ELK4: variants seen among roughly 807,000 people sequenced by gnomAD.
The protein encoded by ELK4 is ETS transcription factor ELK4.
A neutral mutation model predicts 29.6 loss-of-function variants in ELK4; 16 were observed. That is an observed-to-expected ratio of 0.54 (90% CI 0.37 to 0.82). ELK4 has a LOEUF of 0.82. Among genes scored for constraint, ELK4 ranks in the 40% least tolerant of loss-of-function variants. The pLI, the probability that ELK4 is intolerant of heterozygous loss-of-function variation, is 0.00. For missense variants in ELK4, 465 were observed against 507.1 expected, an observed-to-expected ratio of 0.92 and a Z score of 0.80; for synonymous variants, 213 against 191.1, an observed-to-expected ratio of 1.11 and a Z score of -0.95.
chr1:205,608,975 G>A lies in ELK4; in HGVS notation c.*7571C>T, dbSNP rs1026398799. On this transcript the variant is annotated 3_prime_UTR_variant, in exon 5 of 5. Transcript: ENST00000357992. ...TGCTTTTCTTCTGAATTACAGATTG[G>A]CTTAATGAAAATTAAGAGTTTATTA... 4 of 188,780 alleles carry A rather than the reference G, an allele frequency of 2.1e-5. No individual in the cohort carries two copies. The highest frequency in any genetic ancestry group is 9.3e-5 in the African/African-American group (4 of 42,832). 11.7% of individuals were successfully genotyped at this position (188,780 alleles called of 1,614,324 possible). A position where few individuals can be genotyped will look rare whatever the true frequency, so the allele number is the denominator to read the frequency against.
chr1:205,619,677 CGAGA>C (rs928249561), intron 3 of ELK4: 28 of 1,390,200 alleles, frequency 2.0e-5, no homozygotes, highest in South Asian at 7.3e-5. Context: ...TTTATAAGAC[CGAGA>C]GAGAGCGAGA....
chr1:205,628,227 CCT>C (rs1405881257), intron 1 of ELK4, among the ~76,000 whole-genome samples: 2 of 152,176 alleles, frequency 1.3e-5, no homozygotes, highest in African/African-American at 2.4e-5. Flanking sequence ...GCAGGGATTC[CCT>C]GTTATGTCTC....
rs1670326071 is a variant in ELK4, at chr1:205,620,779, C to T, written c.267G>A (p.Glu89=). 6.2e-7 allele frequency: 1 copy of T among 1,613,810 alleles called. No homozygotes were observed. The highest frequency in any genetic ancestry group is 1.3e-5 in the African/African-American group (1 of 74,892). ...KFVYKFVSYP[E]ILNMDPMTVG... ...CTGTCATTGGATCCATGTTCAAAAT[C>T]TCTGGATAAGAGACAAACTTGTACA... Residue 89 remains glutamate, a synonymous_variant, in exon 3 of 5, where the codon GAG becomes GAA. Transcript: ENST00000357992.
At chr1:205,617,965 ATGTG>A (rs71773934) in intron 4 of ELK4, among the ~76,000 whole-genome samples, 3 of 147,484 alleles carry the variant, frequency 2.0e-5, no homozygotes, top group Non-Finnish European at 3.0e-5. Flanking sequence ...TCCCCCATAT[ATGTG>A]TGTGTGTGTG....
In ELK4 at chr1:205,616,537, G is replaced by C. The variant is rs779013390; in HGVS notation, c.*9C>G. The stretch of plus-strand genomic sequence containing the variant: ...GTTCCTCGGTTCTCTCATTCCACAA[G>C]TGCATAGGTTATGTCTTCTGTAGGT... On this transcript the variant is annotated 3_prime_UTR_variant, in exon 5 of 5. Transcript: ENST00000357992. The C allele has an allele frequency of 6.2e-7, 1 of 1,612,660 alleles. No homozygotes were observed. The highest frequency in any genetic ancestry group is 1.1e-5 in the South Asian group (1 of 91,042).
chr1:205,612,451 T>C lies in ELK4; in HGVS notation c.*4095A>G, dbSNP rs532447991. 343 of 215,812 alleles carry C rather than the reference T, an allele frequency of 1.6e-3. 4 individuals are homozygous for C. Among genetic ancestry groups the C allele is most frequent in the Non-Finnish European group, 6.8e-4 (73 of 107,118 alleles). 13.4% of individuals were successfully genotyped at this position (215,812 alleles called of 1,614,324 possible). On this transcript the variant is annotated 3_prime_UTR_variant, in exon 5 of 5. Transcript: ENST00000357992. Reference sequence around the variant, plus strand: ...TTTGTGTATTTTTTTATAACACACATATTACTTTGGTATAGCGGTATATAA... The same window carrying C: ...TTTGTGTATTTTTTTATAACACACACATTACTTTGGTATAGCGGTATATAA...
At position 205,615,024 on chromosome 1, in the gene ELK4, C is replaced by A. The variant is rs1007635642; in HGVS notation, c.*1522G>T. 2 of 201,750 alleles carry A rather than the reference C, an allele frequency of 9.9e-6. No homozygotes were observed. Among genetic ancestry groups the A allele is most frequent in the East Asian group, 1.5e-4 (2 of 13,134 alleles). The allele number at this position is 201,750 out of a possible 1,614,324, so 12.5% of individuals were successfully genotyped here. ...AAATTTGGTAATGTAGAGAATAAGG[C>A]CTACATTTTTTACTACTAATATGAA... is the stretch of plus-strand genomic sequence containing the variant. On this transcript the variant is annotated 3_prime_UTR_variant, in exon 5 of 5. Transcript: ENST00000357992.
At chr1:205,617,691 C>A (rs1670257159) in intron 4 of ELK4, among the ~76,000 whole-genome samples, 1 of 151,850 alleles carries the variant, frequency 6.6e-6, no homozygotes, top group Non-Finnish European at 1.5e-5. Context: ...CACCTGAGGT[C>A]AGGAGTTTGA....
chr1:205,608,662 A>G lies in ELK4; in HGVS notation c.*7884T>C, dbSNP rs1670107422. On this transcript the variant is annotated 3_prime_UTR_variant, in exon 5 of 5. Coordinates refer to ENST00000357992, the MANE Select transcript of ELK4 (RefSeq NM_001973.4). ...AATCAACTAAGACGAGCTATTATTA[A>G]CACTTTAACAGTTATCCATTCCTCT... 1 of 197,066 alleles carries G rather than the reference A, an allele frequency of 5.1e-6. No homozygotes were observed. The highest frequency in any genetic ancestry group is 1.1e-5 in the Non-Finnish European group (1 of 95,104). The allele number at this position is 197,066 out of a possible 1,614,324, so 12.2% of individuals were successfully genotyped here. A position where few individuals can be genotyped will look rare whatever the true frequency, so the allele number is the denominator to read the frequency against.
In ELK4 at chr1:205,631,669, C is replaced by G; in HGVS notation, c.-47G>C. ...CGGGGCTCCCCCTCGGTCTCCGCCT[C>G]GAACACGATGCGCCTCTCCGCCCTC... is the stretch of plus-strand genomic sequence containing the variant. On this transcript the variant is annotated 5_prime_UTR_variant, in exon 1 of 5. Coordinates refer to ENST00000357992, the MANE Select transcript of ELK4 (RefSeq NM_001973.4). 1 of 344,862 alleles carries G rather than the reference C, an allele frequency of 2.9e-6. No homozygotes were observed. The highest frequency in any genetic ancestry group is 6.0e-6 in the Non-Finnish European group (1 of 167,656). The allele number at this position is 344,862 out of a possible 1,614,324, so 21.4% of individuals were successfully genotyped here. A position where few individuals can be genotyped will look rare whatever the true frequency, so the allele number is the denominator to read the frequency against.
intron 3 of ELK4, 95 bp from the exon 4 acceptor site, chr1:205,619,168 C>T: frequency 1.7e-6 from 2 of 1,195,834 alleles, no homozygotes; most frequent in South Asian, 2.4e-5. Flanking sequence ...AAATATTGCC[C>T]TATCCTCCAC....
At chr1:205,630,411 T>G (rs1308279896) in intron 1 of ELK4, among the ~76,000 whole-genome samples, 3 of 152,360 alleles carry the variant, frequency 2.0e-5, no homozygotes, top group East Asian at 3.9e-4. Flanking sequence ...GTCCAGTTGC[T>G]GTGGTGACCC....
chr1:205,624,388 T>G (rs1670413440), intron 1 of ELK4, among the ~76,000 whole-genome samples: 1 of 152,170 alleles, frequency 6.6e-6, no homozygotes. Flanking sequence ...TGTGTTTGTG[T>G]CTATCTCAGG....
chr1:205,630,126 T>C (rs1057353902), intron 1 of ELK4, among the ~76,000 whole-genome samples: 7 of 152,168 alleles, frequency 4.6e-5, no homozygotes, highest in African/African-American at 1.7e-4. Flanking sequence ...ATTACTTGAT[T>C]TTCCTTCTTA....
chr1:205,629,170 CAAAA>C (rs61374496), intron 1 of ELK4, among the ~76,000 whole-genome samples: 4 of 92,274 alleles, frequency 4.3e-5, no homozygotes, highest in African/African-American at 1.8e-4. Context: ...GACTACGTCT[CAAAA>C]AAAAAAAAAA....
intron 1 of ELK4, among the ~76,000 whole-genome samples, chr1:205,630,104 A>G (rs924834494): frequency 6.6e-6 from 1 of 152,188 alleles, no homozygotes; most frequent in African/African-American, 2.4e-5. Flanking sequence ...ATCAAAAAAA[A>G]AAAAGAGGCT....
intron 2 of ELK4, among the ~76,000 whole-genome samples, chr1:205,621,473 A>G (rs1021638983): frequency 5.9e-5 from 9 of 152,174 alleles, no homozygotes; most frequent in African/African-American, 2.2e-4. Context: ...GTCTCAAACA[A>G]TTCCAAAGGT....
intron 2 of ELK4, 101 bp downstream of exon 2, chr1:205,623,575 A>G (rs911848004): frequency 6.6e-6 from 9 of 1,373,080 alleles, no homozygotes; most frequent in Admixed American, 5.3e-5. Context: ...TTGGCCTCCC[A>G]AAGTGCTGGG....
rs1378075834 is a variant in ELK4 at position 205,614,477 on chromosome 1, A to G, written c.*2069T>C. 4.4e-6 allele frequency: 1 copy of G among 228,162 alleles called. No homozygotes were observed. Among genetic ancestry groups the G allele is most frequent in the African/African-American group, 2.2e-5 (1 of 45,054 alleles). The allele number at this position is 228,162 out of a possible 1,614,324, so 14.1% of individuals were successfully genotyped here. On this transcript the variant is annotated 3_prime_UTR_variant, in exon 5 of 5. Coordinates refer to ENST00000357992, the MANE Select transcript of ELK4 (RefSeq NM_001973.4). ...AAACTAAATAATTTAATATGGAAAA[A>G]AAAGTCCAATATGTCTGTTCCCCAT...
Sources: gnomAD v4.1 joint callset for allele counts (sites outside exome capture counted in the v4.1 genomes callset) on GRCh38, gnomAD v4.1.1 for gene constraint, MANE v1.5 for transcripts, NCBI Gene and HGNC (gene_info 2026-07-23, HGNC 2026-07-21) for gene names.